FBXO11: variants seen among roughly 807,000 people sequenced by gnomAD.
FBXO11 encodes the protein F-box only protein 11.
In FBXO11, 13 loss-of-function variants were observed where a neutral mutation model predicts 117.0. The ratio of observed to expected loss-of-function variants is 0.11; its 90% CI spans 0.07 to 0.18. The LOEUF (loss-of-function observed/expected upper bound fraction) is 0.18, where lower values mean the gene tolerates loss of function less well. Ranked by LOEUF, FBXO11 falls within the 10% of genes least tolerant of loss-of-function variation. The pLI is 1.00. For synonymous variants in FBXO11, 490 were observed against 380.5 expected (o/e 1.29, Z -3.35); for missense variants, 767 against 1,164.4 (o/e 0.66, Z 4.97).
intron 1 of FBXO11, among the ~76,000 whole-genome samples, chr2:47,873,571 A>T (rs535795637): frequency 5.3e-4 from 80 of 152,194 alleles, no homozygotes; most frequent in Non-Finnish European, 9.4e-4. Flanking sequence ...ATGGCCCTCA[A>T]AGGCACTTGT....
chr2:47,894,170 C>G (rs868806312), intron 1 of FBXO11, among the ~76,000 whole-genome samples: 1 of 152,266 alleles, frequency 6.6e-6, no homozygotes, highest in Middle Eastern at 3.4e-3. Context: ...AAGAACTTAT[C>G]AAGGATGCTG....
chr2:47,896,487 C>T (rs544611557), intron 1 of FBXO11, among the ~76,000 whole-genome samples: 1 of 152,062 alleles, frequency 6.6e-6, no homozygotes, highest in Non-Finnish European at 1.5e-5. Flanking sequence ...GGGCCACCAC[C>T]CCACAGCTAA....
At chr2:47,820,619 G>A (rs1335577221) in intron 13 of FBXO11, among the ~76,000 whole-genome samples, 163 bp from the exon 14 acceptor site, 1 of 152,230 alleles carries the variant, frequency 6.6e-6, no homozygotes, top group Admixed American at 6.5e-5. Flanking sequence ...GAGAGCTGCA[G>A]GCAGTATAGT....
At chr2:47,837,224 T>C (rs2104842780) in intron 4 of FBXO11, among the ~76,000 whole-genome samples, 1 of 152,346 alleles carries the variant, frequency 6.6e-6, no homozygotes, top group African/African-American at 2.4e-5. Context: ...TTTGTAATTT[T>C]TCTCTTAAAT....
At chr2:47,895,139 A>C (rs1448418054) in intron 1 of FBXO11, among the ~76,000 whole-genome samples, 1 of 152,198 alleles carries the variant, frequency 6.6e-6, no homozygotes, top group East Asian at 1.9e-4. Flanking sequence ...ACTCACACGG[A>C]ATGTGGCAAA....
At chr2:47,825,571 CTTTTTTTTTT>C (rs751404253) in intron 11 of FBXO11, among the ~76,000 whole-genome samples, 2 of 88,312 alleles carry the variant, frequency 2.3e-5, no homozygotes, top group South Asian at 3.7e-4. Flanking sequence ...TCTTCTTCTT[CTTTTTTTTTT>C]TTTTTTTTTT....
chr2:47,901,348 T>C (rs1678288315), intron 1 of FBXO11, among the ~76,000 whole-genome samples: 1 of 151,734 alleles, frequency 6.6e-6, no homozygotes, highest in Non-Finnish European at 1.5e-5. Context: ...AATTAGATTT[T>C]CAGCACTTCA....
At chr2:47,867,121 C>A (rs1675255326) in intron 1 of FBXO11, among the ~76,000 whole-genome samples, 1 of 152,210 alleles carries the variant, frequency 6.6e-6, no homozygotes, top group South Asian at 2.1e-4. Flanking sequence ...TACTTAATTT[C>A]ATTATTCTCT....
chr2:47,867,043 T>TA (rs1675250765), intron 1 of FBXO11, among the ~76,000 whole-genome samples: 1 of 152,162 alleles, frequency 6.6e-6, no homozygotes, highest in African/African-American at 2.4e-5. Flanking sequence ...ACCTGAAAAC[T>TA]AAAAATCTAA....
chr2:47,852,563 A>G (rs182526148), intron 1 of FBXO11, among the ~76,000 whole-genome samples: 11 of 152,238 alleles, frequency 7.2e-5, no homozygotes, highest in Admixed American at 7.2e-4. Flanking sequence ...ATAATTTTTA[A>G]GTCAATGGAC....
At chr2:47,816,068 C>G (rs542480156) in intron 16 of FBXO11, among the ~76,000 whole-genome samples, 1 of 152,214 alleles carries the variant, frequency 6.6e-6, no homozygotes, top group Admixed American at 6.5e-5. Flanking sequence ...TGGCCAAGGG[C>G]GGTGAGAACC....
rs553620678 is a variant in FBXO11, at chr2:47,861,677, T to C, written c.233-21908A>G. ...GCAGGTCCAAGCCAATGTGGCCCAA[T>C]GAGACACAAGAAGTTAACTTGCTTG... On this transcript the variant is annotated intron_variant, in intron 1 of 22. Coordinates refer to ENST00000403359, the MANE Select transcript of FBXO11 (RefSeq NM_001190274.2). Among the ~76,000 whole-genome samples, 249 of 152,184 alleles carry C rather than the reference T, an allele frequency of 1.6e-3. 1 individual carries two copies. The highest frequency in any genetic ancestry group is 5.7e-3 in the African/African-American group (237 of 41,520).
In FBXO11 at chr2:47,905,826, A is replaced by G. The variant is rs1212477100; in HGVS notation, c.-106T>C. 2.0e-5 allele frequency: 6 copies of G among 305,838 alleles called. No homozygotes were observed. Among genetic ancestry groups the G allele is most frequent in the African/African-American group, 2.9e-5 (1 of 34,160 alleles). 18.9% of individuals were successfully genotyped at this position (305,838 alleles called of 1,614,324 possible). On this transcript the variant is annotated 5_prime_UTR_variant, in exon 1 of 23. Coordinates refer to ENST00000403359, the MANE Select transcript of FBXO11 (RefSeq NM_001190274.2). ...TGGGGAGAGTGGGAGAGGGGGGAGG[A>G]AGGAGAGGGGGCGAGGGGAAGGGGA...
rs2104739316 is a variant in FBXO11, at chr2:47,823,271, T to C, written c.1488A>G (p.Glu496=). 6.2e-7 allele frequency: 1 copy of C among 1,614,132 alleles called. No individual in the cohort carries two copies. The highest frequency in any genetic ancestry group is 8.5e-7 in the Non-Finnish European group (1 of 1,179,994). The stretch of plus-strand genomic sequence containing the variant: ...TTCCTCCAGTCTGCCCATGGTGAAT[T>C]TCACATCGAACCACTGTAGGGTTAG... ...AYANPTVVRC[E]IHHGQTGGIY... Residue 496 remains glutamate, a synonymous_variant, in exon 12 of 23, where the codon GAA becomes GAG. Transcript: ENST00000403359.
At chr2:47,818,101 G>A (rs1671135223) in intron 16 of FBXO11, among the ~76,000 whole-genome samples, 1 of 152,288 alleles carries the variant, frequency 6.6e-6, no homozygotes. Context: ...GGCAACAAGA[G>A]TGAAACTCCG....
At chr2:47,820,876 T>G (rs1210278370) in intron 13 of FBXO11, among the ~76,000 whole-genome samples, 1 of 152,226 alleles carries the variant, frequency 6.6e-6, no homozygotes, top group Admixed American at 6.5e-5. Flanking sequence ...TAAAGCTTTA[T>G]GTAAGTATTA....
At chr2:47,872,374 C>T (rs1373997218) in intron 1 of FBXO11, among the ~76,000 whole-genome samples, 4 of 152,166 alleles carry the variant, frequency 2.6e-5, no homozygotes, top group Non-Finnish European at 5.9e-5. Flanking sequence ...GCACAGGCTG[C>T]ACTGCAATGG....
intron 1 of FBXO11, among the ~76,000 whole-genome samples, chr2:47,901,023 A>G (rs556427904): frequency 3.8e-4 from 52 of 138,546 alleles, no homozygotes; most frequent in African/African-American, 1.2e-3. Flanking sequence ...ATATTTATGT[A>G]TATATATACA....
chr2:47,823,904 G>T (rs79176627), intron 11 of FBXO11, among the ~76,000 whole-genome samples: 10,987 of 151,662 alleles, frequency 0.072, 556 homozygotes, highest in Non-Finnish European at 0.11. Flanking sequence ...TGGAGTACAG[G>T]GGCACAATCA....
Sources: gnomAD v4.1 joint callset for allele counts (sites outside exome capture counted in the v4.1 genomes callset) on GRCh38, gnomAD v4.1.1 for gene constraint, MANE v1.5 for transcripts, NCBI Gene and HGNC (gene_info 2026-07-23, HGNC 2026-07-21) for gene names.